ZNF790: variants seen among roughly 807,000 people sequenced by gnomAD.
The protein encoded by ZNF790 is zinc finger protein 790.
Under a neutral mutation model 12.1 loss-of-function variants are expected in ZNF790, and 8 were observed. That is an observed-to-expected ratio of 0.66 (90% CI 0.39 to 1.19). ZNF790 has a LOEUF of 1.19. Ranked by LOEUF, ZNF790 falls within the 50% of genes most tolerant of loss-of-function variation. The probability of loss-of-function intolerance (pLI) is 0.01; values close to 1 mark genes in which losing one functional copy is unlikely to be tolerated. For missense variants in ZNF790, 707 were observed against 752.2 expected, an observed-to-expected ratio of 0.94 and a Z score of 0.70; for synonymous variants, 252 against 244.3, an observed-to-expected ratio of 1.03 and a Z score of -0.29.
intron 1 of ZNF790, among the ~76,000 whole-genome samples, chr19:36,845,989 A>G (rs1354167837): frequency 3.3e-5 from 5 of 151,956 alleles, no homozygotes; most frequent in African/African-American, 7.2e-5. Context: ...TTGTATTTTT[A>G]TCAGAGACGG....
intron 1 of ZNF790, among the ~76,000 whole-genome samples, chr19:36,833,634 C>G (rs920255794): frequency 2.0e-5 from 3 of 152,034 alleles, no homozygotes; most frequent in African/African-American, 7.2e-5. Context: ...CAAAATAATG[C>G]TTAGGTGGCT....
At chr19:36,828,961 CA>C (rs1253787561) in intron 1 of ZNF790, among the ~76,000 whole-genome samples, 14 of 152,238 alleles carry the variant, frequency 9.2e-5, no homozygotes, top group African/African-American at 3.4e-4. Context: ...CAAAGAAAAA[CA>C]AATGAGGAAT....
intron 2 of ZNF790, 75 bp from the exon 3 acceptor site, chr19:36,823,865 GA>G: frequency 7.4e-7 from 1 of 1,358,092 alleles, no homozygotes. Flanking sequence ...GATGAAAGGG[GA>G]AAGGCTGGAA....
At position 36,848,938 on chromosome 19, in the gene ZNF790, T is replaced by G. The variant is rs539586744; in HGVS notation, c.-74+1064A>C. Among the ~76,000 whole-genome samples, 33 of 152,134 alleles carry G rather than the reference T, an allele frequency of 2.2e-4. 1 individual carries two copies. The highest frequency in any genetic ancestry group is 2.0e-3 in the Admixed American group (31 of 15,274). On this transcript the variant is annotated intron_variant, in intron 1 of 4. Transcript: ENST00000528994. ...CCTCCAAAGTAGCTGGGATTACAGG[T>G]GCACACCACCACGCCCAGCTAATTT...
At chr19:36,835,820 ATC>A (rs2072034135) in intron 1 of ZNF790, among the ~76,000 whole-genome samples, 2 of 151,292 alleles carry the variant, frequency 1.3e-5, no homozygotes. Context: ...GCAATGTGGC[ATC>A]TCTCTGACCA....
In ZNF790 at chr19:36,825,645, C is replaced by T. The variant is rs557298110; in HGVS notation, c.-26G>A. 1.2e-6 allele frequency: 2 copies of T among 1,614,034 alleles called. No homozygotes were observed. The highest frequency in any genetic ancestry group is 2.2e-5 in the East Asian group (1 of 44,878). ...GACTTAACATTCCAAGTCCACCAGT[C>T]CTTCTCTGGATTCTTTCTTGGTGAG... On this transcript the variant is annotated 5_prime_UTR_variant, in exon 2 of 5. Transcript: ENST00000356725.
chr19:36,823,139 A>G (rs1033629438), intron 4 of ZNF790, 146 bp downstream of exon 4: 5 of 618,072 alleles, frequency 8.1e-6, no homozygotes, highest in Non-Finnish European at 1.1e-5. Context: ...TGCTAGGATT[A>G]CAGGCGGGAG....
chr19:36,823,187 A>G (rs915529501), intron 4 of ZNF790, 98 bp downstream of exon 4: 1 of 1,114,966 alleles, frequency 9.0e-7, no homozygotes. Flanking sequence ...TTAAGGGGAT[A>G]TTCCAGACCA....
chr19:36,820,167 A>C, intron 4 of ZNF790, 53 bp from the exon 5 acceptor site: 2 of 1,519,484 alleles, frequency 1.3e-6, no homozygotes, highest in South Asian at 2.6e-5. Flanking sequence ...AAAAAGCAAT[A>C]CAACTTCTAA....
intron 4 of ZNF790, 109 bp downstream of exon 4, chr19:36,823,176 C>G: frequency 2.0e-6 from 2 of 1,009,246 alleles, no homozygotes; most frequent in Non-Finnish European, 1.5e-6. Flanking sequence ...ATTTTTTGGT[C>G]TTAAGGGGAT....
chr19:36,835,101 T>C (rs948556492), intron 1 of ZNF790, among the ~76,000 whole-genome samples: 2 of 152,110 alleles, frequency 1.3e-5, no homozygotes, highest in African/African-American at 2.4e-5. Flanking sequence ...GCCTGGCCAA[T>C]GTGGTGAAAC....
At chr19:36,822,054 T>C (rs962266195) in intron 4 of ZNF790, among the ~76,000 whole-genome samples, 1 of 152,186 alleles carries the variant, frequency 6.6e-6, no homozygotes, top group African/African-American at 2.4e-5. Flanking sequence ...TATGCAGAAA[T>C]GTGTGGCCAT....
upstream of ZNF790, among the ~76,000 whole-genome samples, chr19:36,839,932 G>A (rs545770631): frequency 7.7e-4 from 117 of 152,018 alleles, no homozygotes; most frequent in African/African-American, 2.5e-3. Flanking sequence ...GTGTGGTGGT[G>A]CATGCCTGTA....
chr19:36,842,171 G>A (rs578220854), upstream of ZNF790, among the ~76,000 whole-genome samples: 11 of 152,252 alleles, frequency 7.2e-5, no homozygotes, highest in South Asian at 2.1e-4. Context: ...AAGTAACACC[G>A]TTAAGGAGAA....
chr19:36,836,224 CTGCT>C (rs769780032), intron 1 of ZNF790, among the ~76,000 whole-genome samples: 39 of 152,090 alleles, frequency 2.6e-4, no homozygotes, highest in Admixed American at 7.2e-4. Flanking sequence ...TAGATGATGC[CTGCT>C]TGTCAGCCTC....
chr19:36,845,047 CAAAAAAAAA>C (rs10611049), intron 1 of ZNF790, among the ~76,000 whole-genome samples: 596 of 34,918 alleles, frequency 0.017, 9 homozygotes, highest in Middle Eastern at 0.071. Context: ...GACTCCGTCT[CAAAAAAAAA>C]AAAAAAAAAA....
chr19:36,827,141 CAT>C (rs369671729), intron 1 of ZNF790, among the ~76,000 whole-genome samples: 1,447 of 84,338 alleles, frequency 0.017, 33 homozygotes, highest in African/African-American at 0.033. Context: ...CACACACACA[CAT>C]ATATATATAT....
At position 36,819,669 on chromosome 19, in the gene ZNF790, T is replaced by C. The variant is rs1385140211; in HGVS notation, c.675A>G (p.Thr225=). 1 of 1,610,758 alleles carries C rather than the reference T, an allele frequency of 6.2e-7. No individual in the cohort carries two copies. The highest frequency in any genetic ancestry group is 1.1e-5 in the South Asian group (1 of 90,850). Residue 225 remains threonine (T), a synonymous_variant, in exon 5 of 5, where the codon ACA becomes ACG. Coordinates refer to ENST00000356725, the MANE Select transcript of ZNF790 (RefSeq NM_206894.4). ...ACTTCCCACATTCTTTACATTCATATGTTTTCTTAACAGTGTGAACTGTCT... is the reference window on the plus strand; with the variant it reads ...ACTTCCCACATTCTTTACATTCATACGTTTTCTTAACAGTGTGAACTGTCT... The part of the protein sequence containing the change: ...QYQTVHTVKK[T]YECKECGKSF...
intron 1 of ZNF790, 132 bp from the exon 2 acceptor site, chr19:36,825,824 A>G: frequency 1.6e-6 from 1 of 620,824 alleles, no homozygotes; most frequent in Non-Finnish European, 2.9e-6. Flanking sequence ...AAAACCAGAG[A>G]GATTCAACAA....
Sources: gnomAD v4.1 joint callset for allele counts (sites outside exome capture counted in the v4.1 genomes callset) on GRCh38, gnomAD v4.1.1 for gene constraint, MANE v1.5 for transcripts, NCBI Gene and HGNC (gene_info 2026-07-23, HGNC 2026-07-21) for gene names.